Variants in MGAT5 observed in about 807,000 individuals in gnomAD.
MGAT5 encodes the protein alpha-1,6-mannosylglycoprotein 6-beta-N-acetylglucosaminyltransferase.
In MGAT5, 30 loss-of-function variants were observed where a neutral mutation model predicts 94.3. The ratio of observed to expected loss-of-function variants is 0.32; its 90% CI spans 0.24 to 0.43. The LOEUF (loss-of-function observed/expected upper bound fraction) is 0.43, where lower values mean the gene tolerates loss of function less well. Among genes scored for constraint, MGAT5 ranks in the 20% least tolerant of loss-of-function variants. The pLI, the probability that MGAT5 is intolerant of heterozygous loss-of-function variation, is 1.00. For missense variants in MGAT5, 691 were observed against 905.5 expected (o/e 0.76, Z 3.04); for synonymous variants, 310 against 322.9 (o/e 0.96, Z 0.43).
chr2:134,141,378 C>T lies in MGAT5; in HGVS notation c.-143+21087C>T, dbSNP rs1573731092. Among the ~76,000 whole-genome samples the T allele has an allele frequency of 2.6e-5, 4 of 152,244 alleles. No individual in the cohort carries two copies. In the Middle Eastern group the frequency reaches 0.01, roughly 388 times the overall value. On this transcript the variant is annotated intron_variant, in intron 1 of 16. Coordinates refer to the MGAT5 transcript ENST00000409645. ...CTCCATTGATGGGCAGCAACCTTGTCTGTCTTATTAGCTATTATATTCCTA... is the reference window on the plus strand; with the variant it reads ...CTCCATTGATGGGCAGCAACCTTGTTTGTCTTATTAGCTATTATATTCCTA...
At position 134,362,356 on chromosome 2, in the gene MGAT5, T is replaced by A; in HGVS notation, c.1328T>A (p.Ile443Asn). 6.2e-7 allele frequency: 1 copy of A among 1,614,068 alleles called. No homozygotes were observed. The highest frequency in any genetic ancestry group is 1.1e-5 in the South Asian group (1 of 91,076). ...AGTGATATCCACCACATTAATGAAA[T>A]CAAAAGGCAGAACCAGTCCCTTGTG... is the stretch of plus-strand genomic sequence containing the variant. ...NSSDIHHINE[I>N]KRQNQSLVYG... The change falls in exon 10 of 16, where the codon ATC becomes AAC. Residue 443 changes from isoleucine (I) to asparagine (N), a missense_variant. Ile to Asn is a moderately radical substitution (Grantham distance 149, BLOSUM62 -3). This residue lies in a region of MGAT5 where 121 missense variants were observed against 206.1 expected (regional missense o/e 0.59). Transcript: ENST00000281923.
intron 1 of MGAT5, among the ~76,000 whole-genome samples, chr2:134,224,508 G>T (rs954429633): frequency 6.6e-6 from 1 of 152,288 alleles, no homozygotes; most frequent in African/African-American, 2.4e-5. Flanking sequence ...CAAATATTAG[G>T]ATCTCCGGCC....
chr2:134,398,071 G>A (rs755702515), intron 10 of MGAT5, among the ~76,000 whole-genome samples: 1 of 152,112 alleles, frequency 6.6e-6, no homozygotes, highest in African/African-American at 2.4e-5. Context: ...CACAGGCTGA[G>A]TATCCCTTAT....
chr2:134,380,824 A>G (rs1681492057), intron 10 of MGAT5, among the ~76,000 whole-genome samples: 3 of 152,246 alleles, frequency 2.0e-5, no homozygotes, highest in Admixed American at 6.5e-5. Flanking sequence ...AGTACATACA[A>G]CTGTAGAGCA....
At position 134,441,932 on chromosome 2, in the gene MGAT5, G is replaced by C. The variant is rs763359570; in HGVS notation, c.2027+17G>C. 6.2e-7 allele frequency: 1 copy of C among 1,608,660 alleles called. No homozygotes were observed. Among genetic ancestry groups the C allele is most frequent in the South Asian group, 1.1e-5 (1 of 90,782 alleles). ...CATGCTGAAGTAAGTGCCCTGGGGT[G>C]GGGGTGGGGACTCAGCCCCTAGACT... On this transcript the variant is annotated intron_variant, in intron 15 of 15. Coordinates refer to ENST00000281923, the MANE Select transcript of MGAT5 (RefSeq NM_002410.5).
chr2:134,393,519 G>A lies in MGAT5; in HGVS notation c.1381-9469G>A, dbSNP rs546527257. ...AGAGCTTCCTGGCACATTAAATTAT[G>A]TCTTATTTGGAGTCTGTCATCCCCC... On this transcript the variant is annotated intron_variant, in intron 10 of 15. Transcript: ENST00000281923. 6.6e-5 allele frequency among the ~76,000 whole-genome samples: 10 copies of A among 152,100 alleles called. No individual in the cohort carries two copies. In the South Asian group the frequency reaches 2.1e-3, roughly 32 times the overall value.
intron 4 of MGAT5, among the ~76,000 whole-genome samples, chr2:134,333,778 T>G (rs2105968203): frequency 6.6e-6 from 1 of 152,226 alleles, no homozygotes; most frequent in African/African-American, 2.4e-5. Context: ...GTGTTCTTAT[T>G]TAGGAAAATG....
intron 1 of MGAT5, among the ~76,000 whole-genome samples, chr2:134,128,811 T>TC (rs1685978691): frequency 6.6e-6 from 1 of 152,314 alleles, no homozygotes; most frequent in East Asian, 1.9e-4. Context: ...CCTCAAGCGA[T>TC]CCTACTGCCT....
At position 134,318,735 on chromosome 2, in the gene MGAT5, G is replaced by A; in HGVS notation, c.569G>A (p.Ser190Asn). Reference sequence around the variant, plus strand: ...ACCTGCTCTTTTTTTATTTACCTCAGTGAGGTGAGTAGCTTTCTGTGGCTC... The same window carrying A: ...ACCTGCTCTTTTTTTATTTACCTCAATGAGGTGAGTAGCTTTCTGTGGCTC... Reference protein sequence around the residue: ...GSTCSFFIYLSEVENWCPHLP... With the variant: ...GSTCSFFIYLNEVENWCPHLP... Residue 190 changes from serine to asparagine, a missense_variant, in exon 4 of 16, where the codon AGT becomes AAT. By Grantham distance (46) the Ser-to-Asn change is conservative (BLOSUM62 1). Coordinates refer to ENST00000281923, the MANE Select transcript of MGAT5 (RefSeq NM_002410.5). 6.2e-7 allele frequency: 1 copy of A among 1,607,792 alleles called. No individual in the cohort carries two copies. Among genetic ancestry groups the A allele is most frequent in the African/African-American group, 1.3e-5 (1 of 74,882 alleles).
intron 10 of MGAT5, among the ~76,000 whole-genome samples, chr2:134,386,214 G>A (rs1417813392): frequency 6.6e-6 from 1 of 152,080 alleles, no homozygotes. Flanking sequence ...GGCAAAATAC[G>A]AAATATTTGA....
chr2:134,282,989 CCG>C (rs1491136867), intron 2 of MGAT5, among the ~76,000 whole-genome samples: 17 of 134,780 alleles, frequency 1.3e-4, no homozygotes, highest in African/African-American at 4.8e-4. Context: ...AAAACCAAAA[CCG>C]AAAAAAAAAA....
chr2:134,333,084 G>C (rs1382033230), intron 4 of MGAT5, among the ~76,000 whole-genome samples: 1 of 152,020 alleles, frequency 6.6e-6, no homozygotes, highest in African/African-American at 2.4e-5. Flanking sequence ...CCCATTACTG[G>C]GTATATAACC....
At chr2:134,385,518 C>T (rs1261808630) in intron 10 of MGAT5, among the ~76,000 whole-genome samples, 4 of 152,114 alleles carry the variant, frequency 2.6e-5, no homozygotes, top group African/African-American at 9.7e-5. Flanking sequence ...CATCAAAAGC[C>T]CCTCACTCCC....
chr2:134,232,785 G>C (rs1681435827), intron 1 of MGAT5, among the ~76,000 whole-genome samples: 1 of 152,126 alleles, frequency 6.6e-6, no homozygotes, highest in Non-Finnish European at 1.5e-5. Context: ...TTTCATTTAA[G>C]AATGGCATGG....
intron 1 of MGAT5, among the ~76,000 whole-genome samples, chr2:134,201,069 T>C (rs995654166): frequency 6.6e-6 from 1 of 152,014 alleles, no homozygotes; most frequent in African/African-American, 2.4e-5. Context: ...TGTGTGCCAC[T>C]ACTCCCTGCT....
chr2:134,273,614 G>A (rs1247669400), intron 2 of MGAT5, among the ~76,000 whole-genome samples: 2 of 137,000 alleles, frequency 1.5e-5, no homozygotes, highest in Non-Finnish European at 3.1e-5. Context: ...TTCTTTAGGG[G>A]GATAGCTCTG....
At chr2:134,288,465 T>C (rs1411890205) in intron 2 of MGAT5, among the ~76,000 whole-genome samples, 1 of 151,544 alleles carries the variant, frequency 6.6e-6, no homozygotes, top group East Asian at 1.9e-4. Flanking sequence ...GAGTAGTTGA[T>C]ACAGAGACTA....
At chr2:134,350,600 A>G (rs1679319355) in intron 9 of MGAT5, among the ~76,000 whole-genome samples, 1 of 152,176 alleles carries the variant, frequency 6.6e-6, no homozygotes, top group Non-Finnish European at 1.5e-5. Context: ...TTCTGTTTCT[A>G]TAGGATTATT....
At chr2:134,280,937 C>T (rs1037682912) in intron 2 of MGAT5, among the ~76,000 whole-genome samples, 1 of 152,180 alleles carries the variant, frequency 6.6e-6, no homozygotes, top group Admixed American at 6.5e-5. Context: ...ATGTAAACTA[C>T]CCATTCCCAA....
Sources: gnomAD v4.1 joint callset for allele counts (sites outside exome capture counted in the v4.1 genomes callset) on GRCh38, gnomAD v4.1.1 for gene constraint, gnomAD v4.1.1 regional missense constraint, MANE v1.5 for transcripts, NCBI Gene and HGNC (gene_info 2026-07-23, HGNC 2026-07-21) for gene names.